The following CRTC3 variants were observed in gnomAD, a reference collection of about 807,000 sequenced individuals.
CRTC3 encodes the protein CREB-regulated transcription coactivator 3.
In CRTC3, 26 loss-of-function variants were observed where a neutral mutation model predicts 74.5. The ratio of observed to expected loss-of-function variants is 0.35; its 90% CI spans 0.26 to 0.48. The LOEUF is 0.48. CRTC3 is among the 20% of genes least tolerant of loss of function. The pLI is 0.99. For synonymous variants in CRTC3, 377 were observed against 325.8 expected (o/e 1.16, Z -1.69); for missense variants, 760 against 787.3 (o/e 0.97, Z 0.41).
Position 90,614,480 on chromosome 15 carries a change from A to C in CRTC3, c.605A>C (p.His202Pro). ...MGFCDGENNG[H>P]GEVASFPGPL... is the part of the protein sequence containing the mutation. ...TTCTGTGATGGTGAGAATAATGGAC[A>C]TGGGGAAGGTATGAACTGATTTTAC... is the stretch of plus-strand genomic sequence containing the variant. Residue 202 changes from histidine to proline, a missense_variant, in exon 7 of 15, where the codon CAT (histidine) becomes CCT (proline). By Grantham distance (77) the His-to-Pro change is moderately conservative (BLOSUM62 -2). Transcript: ENST00000268184. The C allele has an allele frequency of 6.2e-7, 1 of 1,609,634 alleles. No individual in the cohort carries two copies. Among genetic ancestry groups the C allele is most frequent in the Non-Finnish European group, 8.5e-7 (1 of 1,176,144 alleles).
Position 90,600,480 on chromosome 15 carries a change from C to G in CRTC3, c.352-1844C>G, listed in dbSNP as rs1332530018. On this transcript the variant is annotated intron_variant, in intron 3 of 14. Coordinates refer to ENST00000268184, the MANE Select transcript of CRTC3 (RefSeq NM_022769.5). ...TTTTCTGGGGGCATTTGGCATAGTT[C>G]ACTGTTTCCTGAGAGGCAGCATAGC... The G allele has an allele frequency of 3.3e-5, 5 of 152,282 alleles. No homozygotes were observed. The South Asian group carries it at 6.2e-4, about 19-fold the overall frequency. 9.4% of individuals were successfully genotyped at this position (152,282 alleles called of 1,614,324 possible).
rs77456520 is a variant in CRTC3, at chr15:90,597,528, T to C, written c.351+3773T>C. Among the ~76,000 whole-genome samples the C allele has an allele frequency of 6.5e-3, 987 of 152,316 alleles. 9 individuals are homozygous for C. The highest frequency in any genetic ancestry group is 0.022 in the African/African-American group (933 of 41,560). On this transcript the variant is annotated intron_variant, in intron 3 of 14. Transcript: ENST00000268184. Reference sequence around the variant, plus strand: ...TAATGAGATGAAAATGTTAGGACATTGGTTTATAGGACACTGTTTCTTTGA... The same window carrying C: ...TAATGAGATGAAAATGTTAGGACATCGGTTTATAGGACACTGTTTCTTTGA...
intron 2 of CRTC3, among the ~76,000 whole-genome samples, chr15:90,556,469 A>T (rs1333510543): frequency 6.6e-6 from 1 of 152,204 alleles, no homozygotes; most frequent in African/African-American, 2.4e-5. Flanking sequence ...TTCAGATCTG[A>T]CGTTCCAAGT....
At chr15:90,635,814 C>T (rs1969213696) in intron 11 of CRTC3, among the ~76,000 whole-genome samples, 1 of 152,050 alleles carries the variant, frequency 6.6e-6, no homozygotes, top group African/African-American at 2.4e-5. Flanking sequence ...GAAATTTCTT[C>T]TAAAGAATAA....
chr15:90,557,592 C>T (rs1261905059), intron 2 of CRTC3, among the ~76,000 whole-genome samples: 3 of 152,066 alleles, frequency 2.0e-5, no homozygotes, highest in Non-Finnish European at 4.4e-5. Context: ...TAGAATCAGC[C>T]TGTAATATGC....
At chr15:90,555,613 G>A (rs1261533769) in intron 2 of CRTC3, among the ~76,000 whole-genome samples, 1 of 152,152 alleles carries the variant, frequency 6.6e-6, no homozygotes, top group African/African-American at 2.4e-5. Flanking sequence ...TGCCTCCCAA[G>A]TTCAAGTGAT....
At chr15:90,553,564 T>C (rs1408954925) in intron 2 of CRTC3, among the ~76,000 whole-genome samples, 1 of 152,136 alleles carries the variant, frequency 6.6e-6, no homozygotes, top group Non-Finnish European at 1.5e-5. Flanking sequence ...GATAAAGCCT[T>C]TGTTTGAAAT....
chr15:90,635,205 A>G (rs1399417343), intron 11 of CRTC3, among the ~76,000 whole-genome samples: 1 of 152,144 alleles, frequency 6.6e-6, no homozygotes, highest in African/African-American at 2.4e-5. Context: ...TTTCCAAATA[A>G]AAATATGTAA....
intron 6 of CRTC3, among the ~76,000 whole-genome samples, chr15:90,609,780 A>G (rs1968315561): frequency 6.6e-6 from 1 of 152,242 alleles, no homozygotes; most frequent in East Asian, 1.9e-4. Context: ...GAATGTAAAC[A>G]TTGGTCCAGG....
chr15:90,580,283 CATT>C (rs1376527411), intron 2 of CRTC3, among the ~76,000 whole-genome samples: 1 of 152,130 alleles, frequency 6.6e-6, no homozygotes, highest in Admixed American at 6.5e-5. Context: ...GAGAGGATAG[CATT>C]ATGACCTTTA....
chr15:90,624,015 TTCCCTCCACATGGCC>T (rs1311927818), intron 9 of CRTC3, among the ~76,000 whole-genome samples: 1 of 152,174 alleles, frequency 6.6e-6, no homozygotes, highest in Non-Finnish European at 1.5e-5. Context: ...TCAGCTGGGC[TTCCCTCCACATGGCC>T]TCCCTCCAGG....
chr15:90,614,280 C>T (rs918445300), intron 6 of CRTC3, 173 bp from the exon 7 acceptor site: 2 of 542,906 alleles, frequency 3.7e-6, no homozygotes, highest in Admixed American at 3.4e-5. Flanking sequence ...ATTAGCTATA[C>T]CTATTTTTAG....
intron 11 of CRTC3, 78 bp downstream of exon 11, chr15:90,629,610 A>C: frequency 6.8e-7 from 1 of 1,470,120 alleles, no homozygotes; most frequent in Admixed American, 1.8e-5. Flanking sequence ...CCTCTTTACT[A>C]TTTTGGGTTA....
intron 11 of CRTC3, chr15:90,634,937 T>G: frequency 6.3e-7 from 1 of 1,575,444 alleles, no homozygotes; most frequent in Non-Finnish European, 8.6e-7. Flanking sequence ...GAGATAAAGT[T>G]CTTCTCCCAG....
At chr15:90,640,799 G>T (rs1034531905) in intron 13 of CRTC3, among the ~76,000 whole-genome samples, 13 of 151,830 alleles carry the variant, frequency 8.6e-5, no homozygotes, top group Middle Eastern at 3.2e-3. Flanking sequence ...GCTGAGGACA[G>T]ATGTCTGAGG....
intron 2 of CRTC3, among the ~76,000 whole-genome samples, chr15:90,551,944 G>GCACACACACACA (rs5814439): frequency 7.7e-5 from 10 of 129,196 alleles, no homozygotes; most frequent in African/African-American, 3.3e-4. Flanking sequence ...ACACACACAC[G>GCACACACACACA]CACACACACA....
intron 10 of CRTC3, among the ~76,000 whole-genome samples, chr15:90,628,337 CAT>C (rs1297772464): frequency 6.6e-6 from 1 of 152,184 alleles, no homozygotes; most frequent in African/African-American, 2.4e-5. Flanking sequence ...CGAAACAACA[CAT>C]AGTTCTGCTT....
chr15:90,536,614 T>C lies in CRTC3; in HGVS notation c.133-3425T>C, dbSNP rs140874030. Among the ~76,000 whole-genome samples the C allele has an allele frequency of 4.5e-3, 691 of 152,348 alleles. 1 individual carries two copies. The highest frequency in any genetic ancestry group is 0.01 in the Middle Eastern group (3 of 294). ...TTTGGATTGTAATCGTGTTGGCTAT[T>C]GTGAGACTTTTCTCAAAAAGGAATT... On this transcript the variant is annotated intron_variant, in intron 1 of 14. Transcript: ENST00000268184.
At chr15:90,595,667 T>G (rs1967906226) in intron 3 of CRTC3, 1 of 152,200 alleles carries the variant, frequency 6.6e-6, no homozygotes, top group African/African-American at 2.4e-5. Flanking sequence ...ATGCTATATA[T>G]ACGTGTGTGT....
Sources: allele counts gnomAD v4.1 joint callset (sites outside exome capture counted in the v4.1 genomes callset), GRCh38; gene constraint gnomAD v4.1.1; transcripts MANE v1.5; gene names NCBI Gene and HGNC (gene_info 2026-07-23, HGNC 2026-07-21).